Variants in ZNF566 observed in about 807,000 individuals in gnomAD.
ZNF566 encodes the protein zinc finger protein 566.
Under a neutral mutation model 32.8 loss-of-function variants are expected in ZNF566, and 27 were observed. The ratio of observed to expected loss-of-function variants is 0.82; its 90% CI spans 0.61 to 1.14. The LOEUF (loss-of-function observed/expected upper bound fraction) is 1.14. Among genes scored for constraint, ZNF566 ranks in the 50% most tolerant of loss-of-function variants. The pLI is 0.00. For synonymous variants in ZNF566, 154 were observed against 159.5 expected (o/e 0.97, Z 0.26); for missense variants, 402 against 490.4 (o/e 0.82, Z 1.70).
chr19:36,484,621 G>A (rs1039546265), intron 1 of ZNF566, among the ~76,000 whole-genome samples: 65 of 122,582 alleles, frequency 5.3e-4, no homozygotes, highest in African/African-American at 1.3e-3. Context: ...ATGGAGTCTC[G>A]CTCTGTCACC....
At chr19:36,487,627 G>A (rs1010253566) in intron 1 of ZNF566, among the ~76,000 whole-genome samples, 4 of 152,186 alleles carry the variant, frequency 2.6e-5, no homozygotes, top group African/African-American at 9.7e-5. Flanking sequence ...GTGTAAGACA[G>A]CCAGATGCAC....
intron 4 of ZNF566, among the ~76,000 whole-genome samples, chr19:36,461,089 G>T (rs919737753): frequency 1.3e-5 from 2 of 152,182 alleles, no homozygotes; most frequent in African/African-American, 4.8e-5. Flanking sequence ...AAAAGAGCTT[G>T]TACCCCTTCT....
intron 4 of ZNF566, among the ~76,000 whole-genome samples, chr19:36,464,448 C>T (rs1230925944): frequency 6.6e-6 from 1 of 152,168 alleles, no homozygotes; most frequent in East Asian, 1.9e-4. Flanking sequence ...TGAGCTACCA[C>T]ACCCAGCCAA....
intron 4 of ZNF566, among the ~76,000 whole-genome samples, chr19:36,455,966 G>A (rs1368586394): frequency 6.6e-6 from 1 of 151,350 alleles, no homozygotes; most frequent in African/African-American, 2.4e-5. Flanking sequence ...GTGAACCCGG[G>A]AGGCCGAGCT....
chr19:36,486,209 A>T (rs2034158079), intron 1 of ZNF566, among the ~76,000 whole-genome samples: 1 of 152,252 alleles, frequency 6.6e-6, no homozygotes, highest in South Asian at 2.1e-4. Context: ...AATTCAATGC[A>T]GGACCTTGGA....
chr19:36,486,732 G>A (rs2034172431), intron 1 of ZNF566, among the ~76,000 whole-genome samples: 1 of 150,150 alleles, frequency 6.7e-6, no homozygotes, highest in African/African-American at 2.4e-5. Flanking sequence ...AATTTACGAA[G>A]GGGAAAATGG....
At chr19:36,466,111 G>A (rs1175659778) in intron 4 of ZNF566, among the ~76,000 whole-genome samples, 1 of 151,774 alleles carries the variant, frequency 6.6e-6, no homozygotes, top group Non-Finnish European at 1.5e-5. Flanking sequence ...CAAGGCATAA[G>A]GGGAATAAAG....
intron 4 of ZNF566, among the ~76,000 whole-genome samples, chr19:36,467,434 CAAAAA>C (rs34170364): frequency 2.6e-5 from 2 of 77,544 alleles, no homozygotes; most frequent in Non-Finnish European, 2.5e-5. Context: ...GGCTCTGTCT[CAAAAA>C]AAAAAAAAAA....
In ZNF566 at chr19:36,447,771, G is replaced by T. The variant is rs1278311576; in HGVS notation, c.*1206C>A. ...CAGTACTTTCCCCCCCAACACCTAG[G>T]ATTATTTCATGTTCAATAGTAAGTA... On this transcript the variant is annotated 3_prime_UTR_variant, in exon 5 of 5. Coordinates refer to ENST00000452939, the MANE Select transcript of ZNF566 (RefSeq NM_001145344.1). 6.6e-6 allele frequency: 1 copy of T among 151,932 alleles called. No homozygotes were observed. Among genetic ancestry groups the T allele is most frequent in the Non-Finnish European group, 1.5e-5 (1 of 67,996 alleles). The allele number at this position is 151,932 out of a possible 1,614,324, so 9.4% of individuals were successfully genotyped here. A position where few individuals can be genotyped will look rare whatever the true frequency, so the allele number is the denominator to read the frequency against.
intron 4 of ZNF566, among the ~76,000 whole-genome samples, chr19:36,464,040 T>C (rs2033550792): frequency 6.6e-6 from 1 of 152,086 alleles, no homozygotes; most frequent in South Asian, 2.1e-4. Flanking sequence ...TCGATGTAAT[T>C]ATACATATTA....
At position 36,446,695 on chromosome 19, in the gene ZNF566, C is replaced by T. The variant is rs1029320052; in HGVS notation, c.*2282G>A. 2.6e-5 allele frequency: 4 copies of T among 152,210 alleles called. No homozygotes were observed. Among genetic ancestry groups the T allele is most frequent in the Admixed American group, 2.0e-4 (3 of 15,284 alleles). The allele number at this position is 152,210 out of a possible 1,614,324, so 9.4% of individuals were successfully genotyped here. On this transcript the variant is annotated 3_prime_UTR_variant, in exon 5 of 5. Transcript: ENST00000452939. The stretch of plus-strand genomic sequence containing the variant: ...CATTTGGCAGTTTTCATTTTGATAA[C>T]GCAAAACATTACAACAGTCCATTTT...
At chr19:36,479,144 T>C (rs1055788909) in intron 1 of ZNF566, among the ~76,000 whole-genome samples, 3 of 152,184 alleles carry the variant, frequency 2.0e-5, no homozygotes, top group African/African-American at 7.2e-5. Context: ...TTATAACTAA[T>C]GTTGAAACAC....
chr19:36,446,261 TTTTC>T lies in ZNF566; in HGVS notation c.*2712_*2715del, dbSNP rs1204010976. The T allele has an allele frequency of 1.4e-5, 2 of 145,640 alleles. No individual in the cohort carries two copies. Among genetic ancestry groups the T allele is most frequent in the African/African-American group, 2.6e-5 (1 of 38,700 alleles). The allele number at this position is 145,640 out of a possible 1,614,324, so 9.0% of individuals were successfully genotyped here. A position where few individuals can be genotyped will look rare whatever the true frequency, so the allele number is the denominator to read the frequency against. On this transcript the variant is annotated 3_prime_UTR_variant, in exon 5 of 5. Coordinates refer to ENST00000452939, the MANE Select transcript of ZNF566 (RefSeq NM_001145344.1). ...ACGGAGAAGGGCAAAGATAATCATT[TTTTC>T]TTTCTTTTTTTTTTTTTTTTTTGAG...
At chr19:36,476,786 G>C (rs1466192628) in intron 1 of ZNF566, among the ~76,000 whole-genome samples, 170 bp from the exon 2 acceptor site, 2 of 152,148 alleles carry the variant, frequency 1.3e-5, no homozygotes, top group East Asian at 3.9e-4. Context: ...GCTGTAACTG[G>C]AGCAGGATGG....
chr19:36,480,288 C>CTT (rs773998048), intron 1 of ZNF566, among the ~76,000 whole-genome samples: 3 of 136,844 alleles, frequency 2.2e-5, no homozygotes, highest in Non-Finnish European at 3.1e-5. Context: ...ATTTTTTTTT[C>CTT]TTTTTTTTTT....
chr19:36,472,696 G>C (rs1378182181), intron 4 of ZNF566, among the ~76,000 whole-genome samples: 1 of 152,190 alleles, frequency 6.6e-6, no homozygotes, highest in East Asian at 1.9e-4. Context: ...GAGGGCACCA[G>C]CTGGTTAGAA....
At position 36,448,908 on chromosome 19, in the gene ZNF566, T is replaced by A; in HGVS notation, c.*69A>T. ...TACATTATTCTATCTAGAGGAATTA[T>A]TAACAAGATAAATTCTGTTTTGAGC... On this transcript the variant is annotated 3_prime_UTR_variant, in exon 5 of 5. Transcript: ENST00000452939. The A allele has an allele frequency of 1.6e-6, 2 of 1,286,900 alleles. No homozygotes were observed. The highest frequency in any genetic ancestry group is 2.1e-6 in the Non-Finnish European group (2 of 944,414). 79.7% of individuals were successfully genotyped at this position (1,286,900 alleles called of 1,614,324 possible). A position where few individuals can be genotyped will look rare whatever the true frequency, so the allele number is the denominator to read the frequency against.
chr19:36,485,599 TA>T (rs1228308076), intron 1 of ZNF566, among the ~76,000 whole-genome samples: 3 of 150,642 alleles, frequency 2.0e-5, no homozygotes, highest in Admixed American at 6.6e-5. Context: ...CCATCTCTAC[TA>T]AAAATACAAA....
chr19:36,477,296 C>A (rs1325412201), intron 1 of ZNF566, among the ~76,000 whole-genome samples: 2 of 152,108 alleles, frequency 1.3e-5, no homozygotes, highest in Non-Finnish European at 2.9e-5. Context: ...AGGTATGAGC[C>A]ACCGCGCCTG....
Sources: gnomAD v4.1 joint callset for allele counts (sites outside exome capture counted in the v4.1 genomes callset) on GRCh38, gnomAD v4.1.1 for gene constraint, MANE v1.5 for transcripts, NCBI Gene and HGNC (gene_info 2026-07-23, HGNC 2026-07-21) for gene names.